The following GOLT1A variants were observed in gnomAD, a reference collection of about 807,000 sequenced individuals.
The protein encoded by GOLT1A is golgi transport 1A.
A neutral mutation model predicts 16.1 loss-of-function variants in GOLT1A; 10 were observed. The observed-to-expected ratio is 0.62, with a 90% CI of 0.38 to 1.05. GOLT1A has a LOEUF of 1.05. Ranked by LOEUF, GOLT1A falls within the 50% of genes least tolerant of loss-of-function variation. The probability of loss-of-function intolerance (pLI) is 0.01; values close to 1 mark genes in which losing one functional copy is unlikely to be tolerated. For synonymous variants in GOLT1A, 60 were observed against 67.9 expected, an observed-to-expected ratio of 0.88 and a Z score of 0.57; for missense variants, 137 against 165.7, an observed-to-expected ratio of 0.83 and a Z score of 0.95.
chr1:204,208,062 A>C (rs936782513), intron 1 of GOLT1A, among the ~76,000 whole-genome samples: 2 of 152,192 alleles, frequency 1.3e-5, no homozygotes, highest in Non-Finnish European at 2.9e-5. Context: ...GCTGGTGGGA[A>C]TGTAAACTAG....
chr1:204,213,874 C>T lies in GOLT1A; in HGVS notation c.25+8G>A, dbSNP rs1290525293. ...ATAGCCCATTGCAGCCCCGCTCATC[C>T]CACTTACTCTGCCATTCGGTGATGG... On this transcript the variant is annotated splice_region_variant and intron_variant, in intron 1 of 4. Coordinates refer to ENST00000308302, the MANE Select transcript of GOLT1A (RefSeq NM_198447.2). 1.2e-6 allele frequency: 2 copies of T among 1,613,082 alleles called. No homozygotes were observed. Among genetic ancestry groups the T allele is most frequent in the Non-Finnish European group, 1.7e-6 (2 of 1,179,802 alleles).
chr1:204,204,704 A>G (rs1284422229), intron 1 of GOLT1A, among the ~76,000 whole-genome samples: 1 of 152,264 alleles, frequency 6.6e-6, no homozygotes, highest in Non-Finnish European at 1.5e-5. Flanking sequence ...ATACTGGATC[A>G]CATGGTAATT....
chr1:204,207,493 T>C (rs937923684), intron 1 of GOLT1A, among the ~76,000 whole-genome samples: 6 of 152,198 alleles, frequency 3.9e-5, no homozygotes, highest in Non-Finnish European at 7.3e-5. Context: ...GAAGAGCCCA[T>C]GGCCACCCGA....
chr1:204,200,299 G>GTGTATATATATATATATA lies in GOLT1A; in HGVS notation c.297-1042_297-1041insTATATATATATATATACA. Among the ~76,000 whole-genome samples, 68 of 82,662 alleles carry GTGTATATATATATATATA rather than the reference G, an allele frequency of 8.2e-4. 1 individual carries two copies. Among genetic ancestry groups the GTGTATATATATATATATA allele is most frequent in the Admixed American group, 2.9e-3 (24 of 8,204 alleles). 54.2% of individuals were successfully genotyped at this position (82,662 alleles called of 152,430 possible). A position where few individuals can be genotyped will look rare whatever the true frequency, so the allele number is the denominator to read the frequency against. On this transcript the variant is annotated intron_variant, in intron 3 of 4. Transcript: ENST00000308302. The stretch of plus-strand genomic sequence containing the variant: ...GACTGTTTGAAAATGACATATATGT[G>GTGTATATATATATATATA]TATATATATATATATATATATGTTT...
chr1:204,208,476 G>GTGTGTGTGTATATATATA (rs1286299770), intron 1 of GOLT1A, among the ~76,000 whole-genome samples: 1 of 39,938 alleles, frequency 2.5e-5, no homozygotes, highest in African/African-American at 7.9e-5. Context: ...GTGTGTGTGT[G>GTGTGTGTGTATATATATA]TATATATATA....
chr1:204,199,213 G>A lies in GOLT1A; in HGVS notation c.342C>T (p.Asn114=). Residue 114 remains asparagine (N), a synonymous_variant, in exon 4 of 5, where the codon AAC becomes AAT. Coordinates refer to ENST00000308302, the MANE Select transcript of GOLT1A (RefSeq NM_198447.2). ...TGCTTACCGCACCCAGGAAGGGGAT[G>A]TTGCAGACATTGCCCAGGAAGCCGA... ...VAFGFLGNVC[N]IPFLGALFRR... is the part of the protein sequence containing the mutation. 6.2e-7 allele frequency: 1 copy of A among 1,601,884 alleles called. No individual in the cohort carries two copies. Among genetic ancestry groups the A allele is most frequent in the Non-Finnish European group, 8.5e-7 (1 of 1,175,176 alleles).
At chr1:204,207,877 T>C (rs1015372089) in intron 1 of GOLT1A, among the ~76,000 whole-genome samples, 1 of 152,108 alleles carries the variant, frequency 6.6e-6, no homozygotes, top group African/African-American at 2.4e-5. Flanking sequence ...AAAGAAGATA[T>C]ACAAACAGCC....
intron 1 of GOLT1A, among the ~76,000 whole-genome samples, chr1:204,211,323 G>C (rs536790348): frequency 1.3e-5 from 2 of 152,020 alleles, no homozygotes; most frequent in South Asian, 4.2e-4. Flanking sequence ...GTGGGGCCCA[G>C]GCCTGCCTGC....
At chr1:204,207,430 G>C (rs1401116667) in intron 1 of GOLT1A, among the ~76,000 whole-genome samples, 1 of 152,178 alleles carries the variant, frequency 6.6e-6, no homozygotes, top group Non-Finnish European at 1.5e-5. Context: ...ACTGATGGCT[G>C]CACTGGTGCC....
chr1:204,213,388 GC>G (rs143301228), intron 1 of GOLT1A, among the ~76,000 whole-genome samples: 45,594 of 152,074 alleles, frequency 0.3, 7,201 homozygotes, highest in South Asian at 0.38. Context: ...TCTTCCCATG[GC>G]CCCAGACTTG....
At chr1:204,211,386 G>A (rs1659135025) in intron 1 of GOLT1A, among the ~76,000 whole-genome samples, 1 of 152,160 alleles carries the variant, frequency 6.6e-6, no homozygotes, top group East Asian at 1.9e-4. Flanking sequence ...CAACCACACT[G>A]TTCTCCATGG....
At chr1:204,212,408 G>C (rs1571680133) in intron 1 of GOLT1A, among the ~76,000 whole-genome samples, 1 of 152,118 alleles carries the variant, frequency 6.6e-6, no homozygotes, top group Non-Finnish European at 1.5e-5. Flanking sequence ...GCTCAGGCAG[G>C]TGGATCACTT....
intron 3 of GOLT1A, 54 bp downstream of exon 3, chr1:204,201,579 A>T: frequency 1.3e-6 from 2 of 1,568,474 alleles, no homozygotes; most frequent in Non-Finnish European, 1.7e-6. Flanking sequence ...GGGTGATCTC[A>T]GCCACTCAGA....
intron 1 of GOLT1A, among the ~76,000 whole-genome samples, chr1:204,210,014 T>C (rs1659115585): frequency 6.6e-6 from 1 of 152,116 alleles, no homozygotes; most frequent in Admixed American, 6.5e-5. Flanking sequence ...GCCAAGATCA[T>C]GCCATTGCAC....
chr1:204,204,218 T>G (rs1659007260), intron 1 of GOLT1A, among the ~76,000 whole-genome samples: 1 of 152,194 alleles, frequency 6.6e-6, no homozygotes, highest in Admixed American at 6.5e-5. Context: ...CATTTAAAAA[T>G]GTACAGTTCA....
rs147715082 is a variant in GOLT1A at position 204,201,690 on chromosome 1, A to G, written c.239T>C (p.Leu80Pro). The stretch of plus-strand genomic sequence containing the variant: ...GAACATGCCGAGGAGGGGCCAGCGT[A>G]GGAGCACGATAACCACACCCCCCAG... Reference protein sequence around the residue: ...FLLGGVVIVLLRWPLLGMFLE... With the variant: ...FLLGGVVIVLPRWPLLGMFLE... The change falls in exon 3 of 5, where the codon CTA becomes CCA. Residue 80 changes from leucine (L) to proline (P), a missense_variant. Transcript: ENST00000308302. The G allele has an allele frequency of 3.7e-5, 59 of 1,614,076 alleles. No individual in the cohort carries two copies. Among genetic ancestry groups the G allele is most frequent in the African/African-American group, 1.3e-5 (1 of 74,928 alleles).
At chr1:204,199,941 C>G (rs1171214713) in intron 3 of GOLT1A, among the ~76,000 whole-genome samples, 1 of 152,182 alleles carries the variant, frequency 6.6e-6, no homozygotes, top group African/African-American at 2.4e-5. Context: ...TGGATTCTGG[C>G]TGAGCCACTT....
intron 1 of GOLT1A, among the ~76,000 whole-genome samples, chr1:204,204,307 C>G (rs554665948): frequency 2.0e-5 from 3 of 152,278 alleles, no homozygotes; most frequent in Non-Finnish European, 4.4e-5. Context: ...GCTCCCCATT[C>G]CCCTCCCACC....
At chr1:204,212,294 C>T (rs986538443) in intron 1 of GOLT1A, among the ~76,000 whole-genome samples, 13 of 152,166 alleles carry the variant, frequency 8.5e-5, no homozygotes, top group Non-Finnish European at 1.6e-4. Flanking sequence ...GACCACGCCC[C>T]GCTAATCTCC....
Sources: allele counts gnomAD v4.1 joint callset (sites outside exome capture counted in the v4.1 genomes callset), GRCh38; gene constraint gnomAD v4.1.1; transcripts MANE v1.5; gene names NCBI Gene and HGNC (gene_info 2026-07-23, HGNC 2026-07-21).